CDH13: variants seen among roughly 807,000 people sequenced by gnomAD.
The protein encoded by CDH13 is cadherin 13, also known as cadherin-13.
Under a neutral mutation model 63.8 loss-of-function variants are expected in CDH13, and 24 were observed. The ratio of observed to expected loss-of-function variants is 0.38; its 90% CI spans 0.27 to 0.53. The LOEUF is 0.53. CDH13 is among the 20% of genes least tolerant of loss of function. CDH13 has a pLI of 0.85. For missense variants in CDH13, 1,049 were observed against 903.1 expected (o/e 1.16, Z -2.07); for synonymous variants, 503 against 355.3 (o/e 1.42, Z -4.67).
At chr16:83,053,302 C>T (rs1401906185) in intron 3 of CDH13, among the ~76,000 whole-genome samples, 4 of 152,052 alleles carry the variant, frequency 2.6e-5, no homozygotes, top group South Asian at 4.1e-4. Context: ...TATTAGGTCT[C>T]GGGAGGTGTC....
At chr16:82,822,493 C>G (rs1597706886) in intron 1 of CDH13, among the ~76,000 whole-genome samples, 2 of 152,116 alleles carry the variant, frequency 1.3e-5, no homozygotes, top group East Asian at 3.9e-4. Context: ...AGTTACTGTT[C>G]CAGTTATCTT....
At chr16:83,084,462 A>G (rs2033451794) in intron 3 of CDH13, among the ~76,000 whole-genome samples, 1 of 152,140 alleles carries the variant, frequency 6.6e-6, no homozygotes, top group Non-Finnish European at 1.5e-5. Flanking sequence ...AGAACCCATC[A>G]CCTGTCTCTC....
chr16:83,163,143 T>A (rs2037517013), intron 4 of CDH13, among the ~76,000 whole-genome samples: 1 of 152,180 alleles, frequency 6.6e-6, no homozygotes, highest in Non-Finnish European at 1.5e-5. Flanking sequence ...TCTGCCACCA[T>A]GTGAGACATG....
intron 1 of CDH13, among the ~76,000 whole-genome samples, chr16:82,767,186 T>C (rs907303229): frequency 6.6e-6 from 1 of 152,222 alleles, no homozygotes; most frequent in African/African-American, 2.4e-5. Context: ...AATGCATAAA[T>C]CTTAAGTGTG....
intron 2 of CDH13, among the ~76,000 whole-genome samples, chr16:82,892,190 C>G (rs1269830973): frequency 6.6e-6 from 1 of 152,190 alleles, no homozygotes; most frequent in Non-Finnish European, 1.5e-5. Context: ...ATCATTTCCT[C>G]CTAATGCTGA....
chr16:83,045,560 T>A (rs565791259), intron 3 of CDH13, among the ~76,000 whole-genome samples: 1 of 144,464 alleles, frequency 6.9e-6, no homozygotes, highest in African/African-American at 2.6e-5. Flanking sequence ...TCGCTCGAAC[T>A]CAGGAGGCAG....
chr16:82,945,249 C>A (rs966557741), intron 2 of CDH13, among the ~76,000 whole-genome samples: 3 of 152,140 alleles, frequency 2.0e-5, no homozygotes, highest in Non-Finnish European at 2.9e-5. Context: ...CCCGTGTAGT[C>A]CCCAAAGTGT....
chr16:82,942,507 G>A (rs895209332), intron 2 of CDH13, among the ~76,000 whole-genome samples: 9 of 152,120 alleles, frequency 5.9e-5, no homozygotes, highest in Non-Finnish European at 1.2e-4. Context: ...AAGGGAAGAG[G>A]GTCAGAGTTG....
chr16:83,726,709 GC>G lies in CDH13; in HGVS notation c.1539-21395del, dbSNP rs1216561694. Among the ~76,000 whole-genome samples, 4 of 152,226 alleles carry G rather than the reference GC, an allele frequency of 2.6e-5. No individual in the cohort carries two copies. The Middle Eastern group carries it at 0.01, about 388-fold the overall frequency. On this transcript the variant is annotated intron_variant, in intron 10 of 13. Transcript: ENST00000567109. ...AAAAATTAGCCGAGCGTGGAGGCGG[GC>G]CCCTGTAGTCCCAGCTACTCGCGAG...
At chr16:83,449,172 T>C (rs1255073516) in intron 6 of CDH13, among the ~76,000 whole-genome samples, 1 of 152,196 alleles carries the variant, frequency 6.6e-6, no homozygotes, top group East Asian at 1.9e-4. Context: ...TGGAATTCGT[T>C]GCCACAATGA....
chr16:83,564,694 C>G (rs886871035), intron 7 of CDH13, among the ~76,000 whole-genome samples: 1 of 152,096 alleles, frequency 6.6e-6, no homozygotes, highest in Non-Finnish European at 1.5e-5. Flanking sequence ...TAGGCATGAG[C>G]CATTGCACCC....
At chr16:83,730,301 G>C (rs1464564428) in intron 10 of CDH13, among the ~76,000 whole-genome samples, 1 of 152,178 alleles carries the variant, frequency 6.6e-6, no homozygotes, top group East Asian at 1.9e-4. Context: ...GAGAATTCTT[G>C]CGCAAAGGGG....
chr16:83,312,028 G>GTGC (rs1399850332), intron 5 of CDH13, among the ~76,000 whole-genome samples: 1 of 139,950 alleles, frequency 7.1e-6, no homozygotes, highest in Non-Finnish European at 1.5e-5. Context: ...AGCTGAGATT[G>GTGC]TGCATTGCAC....
At chr16:83,513,726 G>A (rs188696290) in intron 7 of CDH13, among the ~76,000 whole-genome samples, 21 of 152,200 alleles carry the variant, frequency 1.4e-4, no homozygotes, top group African/African-American at 4.3e-4. Context: ...CCTCTCACCA[G>A]GCCCCTCCAA....
chr16:83,630,329 A>G (rs1910665451), intron 8 of CDH13, among the ~76,000 whole-genome samples: 1 of 152,222 alleles, frequency 6.6e-6, no homozygotes, highest in Non-Finnish European at 1.5e-5. Flanking sequence ...TATTTTGCCA[A>G]GGTTAAGGAC....
chr16:82,660,558 G>A (rs1316410972), intron 1 of CDH13, among the ~76,000 whole-genome samples: 1 of 152,104 alleles, frequency 6.6e-6, no homozygotes, highest in Non-Finnish European at 1.5e-5. Flanking sequence ...GAAACAGCCC[G>A]AGGCCAGAGA....
intron 2 of CDH13, among the ~76,000 whole-genome samples, chr16:83,017,089 T>G (rs939878064): frequency 6.6e-6 from 1 of 152,216 alleles, no homozygotes; most frequent in Non-Finnish European, 1.5e-5. Flanking sequence ...GTTTCCCCAG[T>G]CATTGAAGAA....
chr16:83,175,013 G>T lies in CDH13; in HGVS notation c.484-42332G>T, dbSNP rs549636777. On this transcript the variant is annotated intron_variant, in intron 4 of 13. Coordinates refer to ENST00000567109, the MANE Select transcript of CDH13 (RefSeq NM_001257.5). ...GGGATTAAAATTTGAGGTGAGATTT[G>T]GGTGGGGACACAGAGCCAAACCATA... Among the ~76,000 whole-genome samples the T allele has an allele frequency of 2.4e-4, 36 of 152,142 alleles. 1 individual carries two copies. The highest frequency in any genetic ancestry group is 8.2e-4 in the African/African-American group (34 of 41,550).
In CDH13 at chr16:83,032,083, C is replaced by A; in HGVS notation, c.231C>A (p.Ser77Arg). 2 of 1,612,204 alleles carry A rather than the reference C, an allele frequency of 1.2e-6. No individual in the cohort carries two copies. The highest frequency in any genetic ancestry group is 1.7e-6 in the Non-Finnish European group (2 of 1,179,200). The change falls in exon 3 of 14, where the codon AGC becomes AGA. Residue 77 changes from serine to arginine, a missense_variant. Transcript: ENST00000567109. ...EVSSPYFKVNSDGGLVALRNI... is the reference protein window; with the variant it reads ...EVSSPYFKVNRDGGLVALRNI... ...CGAGCCCATACTTCAAGGTGAACAGCGATGGCGGCTTAGTTGCTCTGAGAA... is the reference window on the plus strand; with the variant it reads ...CGAGCCCATACTTCAAGGTGAACAGAGATGGCGGCTTAGTTGCTCTGAGAA...
Sources: gnomAD v4.1 joint callset for allele counts (sites outside exome capture counted in the v4.1 genomes callset) on GRCh38, gnomAD v4.1.1 for gene constraint, MANE v1.5 for transcripts, NCBI Gene and HGNC (gene_info 2026-07-23, HGNC 2026-07-21) for gene names.